OTULIN: variants seen among roughly 807,000 people sequenced by gnomAD.
OTULIN encodes ubiquitin thioesterase otulin.
A neutral mutation model predicts 39.6 loss-of-function variants in OTULIN; 15 were observed. That is an observed-to-expected ratio of 0.38 (90% confidence interval 0.25 to 0.58). OTULIN has a LOEUF of 0.58. Among genes scored for constraint, OTULIN ranks in the 20% least tolerant of loss-of-function variants. The pLI, the probability that OTULIN is intolerant of heterozygous loss-of-function variation, is 0.66. For synonymous variants in OTULIN, 156 were observed against 170.3 expected (o/e 0.92, Z 0.65); for missense variants, 319 against 445.9 (o/e 0.72, Z 2.56).
chr5:14,710,198 A>G, the OTULIN span: 9 of 152,168 alleles, frequency 5.9e-5, no homozygotes, highest in Non-Finnish European at 2.9e-5. Context: ...AGAACCAGGT[A>G]ATATATCTAC....
intron 1 of OTULIN, among the ~76,000 whole-genome samples, chr5:14,665,999 A>G (rs996612976): frequency 6.6e-6 from 1 of 152,246 alleles, no homozygotes; most frequent in Non-Finnish European, 1.5e-5. Context: ...TATCCAAATC[A>G]TATCAGAGAC....
At position 14,690,746 on chromosome 5, in the gene OTULIN, T is replaced by C. The variant is rs1049226083; in HGVS notation, c.864+438T>C. Among the ~76,000 whole-genome samples, 2 of 152,152 alleles carry C rather than the reference T, an allele frequency of 1.3e-5. No homozygotes were observed. The highest frequency in any genetic ancestry group is 2.9e-5 in the Non-Finnish European group (2 of 68,036). ...TTGTTTTCTACTTTTTAGAAACAAG[T>C]TACTTGATGCATTCCACTCTCAAGA... On this transcript the variant is annotated intron_variant, in intron 6 of 6. Transcript: ENST00000284274. The surrounding 1 kb of genome is among the most constrained non-coding windows in gnomAD (Gnocchi z 4.5).
At chr5:14,701,045 C>T (rs1174428995), downstream of OTULIN, among the ~76,000 whole-genome samples, 3 of 152,328 alleles carry the variant, frequency 2.0e-5, no homozygotes, top group East Asian at 5.8e-4. Context: ...GCAGAGATCT[C>T]AGCCCTCCAT....
At chr5:14,670,979 T>C (rs1023694093) in intron 1 of OTULIN, among the ~76,000 whole-genome samples, 1 of 152,228 alleles carries the variant, frequency 6.6e-6, no homozygotes, top group South Asian at 2.1e-4. Context: ...AGCAATTTGA[T>C]TATACTCTGG....
At chr5:14,691,610 T>C (rs371134996) in intron 6 of OTULIN, among the ~76,000 whole-genome samples, 1 of 152,126 alleles carries the variant, frequency 6.6e-6, no homozygotes, top group East Asian at 1.9e-4. Flanking sequence ...TTTTTTTTTT[T>C]TTCAATAAGA....
intron 1 of OTULIN, among the ~76,000 whole-genome samples, chr5:14,668,473 G>A (rs535043810): frequency 7.9e-5 from 12 of 152,228 alleles, no homozygotes; most frequent in Non-Finnish European, 1.8e-4. Context: ...TCTCTGAACC[G>A]CAAAGTGGTG....
chr5:14,703,923 C>T (rs879877886), downstream of OTULIN, among the ~76,000 whole-genome samples: 5 of 152,090 alleles, frequency 3.3e-5, no homozygotes, highest in Non-Finnish European at 5.9e-5. Flanking sequence ...CTGTAGGATG[C>T]CTAGAATCTT....
At chr5:14,709,964 A>G in the OTULIN span, 1 of 152,256 alleles carries the variant, frequency 6.6e-6, no homozygotes, top group African/African-American at 2.4e-5. Context: ...GACTAAATCA[A>G]TTTAGTGAAC....
Position 14,695,189 on chromosome 5 carries a change from G to T in OTULIN, c.*2141G>T, listed in dbSNP as rs1336398753. 2.6e-5 allele frequency: 4 copies of T among 152,218 alleles called. No homozygotes were observed. Among genetic ancestry groups the T allele is most frequent in the Non-Finnish European group, 5.9e-5 (4 of 68,036 alleles). 9.4% of individuals were successfully genotyped at this position (152,218 alleles called of 1,614,324 possible). On this transcript the variant is annotated 3_prime_UTR_variant, in exon 7 of 7. Coordinates refer to ENST00000284274, the MANE Select transcript of OTULIN (RefSeq NM_138348.6). The stretch of plus-strand genomic sequence containing the variant: ...TCAGACTCTTGTTTAGGTTTAGTGT[G>T]ATCATGGCGTCAGAGAAGCAAAGCT...
chr5:14,710,875 A>AGAGGAGATTGTCCAGGGGAG, the OTULIN span: 567 of 376,920 alleles, frequency 1.5e-3, 2 homozygotes, highest in Non-Finnish European at 2.1e-3. Context: ...TTTGGTTCCA[A>AGAGGAGATTGTCCAGGGGAG]GAGGAGATTG....
intron 1 of OTULIN, among the ~76,000 whole-genome samples, chr5:14,666,199 G>A (rs1735840024): frequency 6.6e-6 from 1 of 152,172 alleles, no homozygotes. Context: ...TGCCTCCTGA[G>A]CAATGCAGAA....
At chr5:14,712,536 G>A in the OTULIN span, among the ~76,000 whole-genome samples, 13 of 152,292 alleles carry the variant, frequency 8.5e-5, no homozygotes, top group South Asian at 4.1e-4. Flanking sequence ...CTCTCCCATC[G>A]GCAGCATCGC....
At position 14,664,834 on chromosome 5, in the gene OTULIN, G is replaced by C; in HGVS notation, c.9G>C (p.Arg3=). ...CGGCCGCGAGCGACCGCATGAGTCG[G>C]GGGACTATGCCCCAGCCCGAAGCGT... is the stretch of plus-strand genomic sequence containing the variant. The part of the protein sequence containing the change: MS[R]GTMPQPEAWP... Residue 3 remains arginine, a synonymous_variant, in exon 1 of 7, where the codon CGG becomes CGC. Transcript: ENST00000284274. The C allele has an allele frequency of 8.2e-7, 1 of 1,219,314 alleles. No homozygotes were observed. Among genetic ancestry groups the C allele is most frequent in the Non-Finnish European group, 1.0e-6 (1 of 978,320 alleles). The allele number at this position is 1,219,314 out of a possible 1,614,324, so 75.5% of individuals were successfully genotyped here. A position where few individuals can be genotyped will look rare whatever the true frequency, so the allele number is the denominator to read the frequency against.
chr5:14,713,062 C>G, the OTULIN span: 2 of 1,285,700 alleles, frequency 1.6e-6, no homozygotes, highest in South Asian at 1.3e-5. This position sits in a 1 kb window ranked among gnomAD's most constrained non-coding sequence, Gnocchi z 4.4. Flanking sequence ...GTAAGTGTAG[C>G]CTCGAGACGG....
the OTULIN span, among the ~76,000 whole-genome samples, chr5:14,716,089 A>G: frequency 6.6e-6 from 1 of 152,230 alleles, no homozygotes; most frequent in African/African-American, 2.4e-5. Flanking sequence ...ACATGAACAC[A>G]TTTGTGTTCC....
At chr5:14,666,072 G>A (rs1432895870) in intron 1 of OTULIN, among the ~76,000 whole-genome samples, 1 of 152,184 alleles carries the variant, frequency 6.6e-6, no homozygotes, top group Non-Finnish European at 1.5e-5. Flanking sequence ...CTGCTCCACG[G>A]CCCGTGCTGG....
intron 3 of OTULIN, among the ~76,000 whole-genome samples, chr5:14,679,132 C>T (rs892154179): frequency 1.1e-4 from 16 of 152,110 alleles, no homozygotes; most frequent in African/African-American, 3.6e-4. Flanking sequence ...AGGCCGATTC[C>T]ACACTTCTGC....
chr5:14,711,332 A>G, the OTULIN span: 1 of 1,604,664 alleles, frequency 6.2e-7, no homozygotes, highest in South Asian at 1.1e-5. Context: ...AAGACTCATC[A>G]GTGTGGGGCT....
At chr5:14,670,051 A>T (rs1028500585) in intron 1 of OTULIN, among the ~76,000 whole-genome samples, 70 of 152,298 alleles carry the variant, frequency 4.6e-4, no homozygotes, top group Non-Finnish European at 7.6e-4. Context: ...CTTTATTTGT[A>T]TCCTTTAACA....
Sources: allele counts gnomAD v4.1 joint callset (sites outside exome capture counted in the v4.1 genomes callset), GRCh38; gene constraint gnomAD v4.1.1; non-coding constraint Gnocchi (gnomAD v3.1); transcripts MANE v1.5; gene names NCBI Gene and HGNC (gene_info 2026-07-23, HGNC 2026-07-21).